Variants in ING5 observed in about 807,000 individuals in gnomAD.
The protein encoded by ING5 is inhibitor of growth protein 5.
In ING5, 17 loss-of-function variants were observed where a neutral mutation model predicts 37.4. That is an observed-to-expected ratio of 0.45 (90% confidence interval 0.31 to 0.68). ING5 has a LOEUF of 0.68. Among genes scored for constraint, ING5 ranks in the 30% least tolerant of loss-of-function variants. ING5 has a pLI of 0.05. For synonymous variants in ING5, 123 were observed against 116.6 expected (o/e 1.06, Z -0.36); for missense variants, 233 against 311.9 (o/e 0.75, Z 1.91).
intron 5 of ING5, chr2:241,719,641 T>C: frequency 3.3e-6 from 5 of 1,535,628 alleles, no homozygotes; most frequent in Non-Finnish European, 4.4e-6. Context: ...ATGCAGGCAC[T>C]GGGGGTCCTC....
intron 4 of ING5, 37 bp from the exon 5 acceptor site, chr2:241,711,941 T>C (rs1259167080): frequency 6.6e-7 from 1 of 1,517,772 alleles, no homozygotes; most frequent in African/African-American, 1.4e-5. Context: ...CTTTAGAGAA[T>C]TCTATAAAAA....
At chr2:241,718,771 TG>T (rs1166336189) in intron 5 of ING5, among the ~76,000 whole-genome samples, 4 of 152,180 alleles carry the variant, frequency 2.6e-5, no homozygotes, top group African/African-American at 9.7e-5. Context: ...ATTGTAGGGC[TG>T]GGTGCTTTGG....
At position 241,702,134 on chromosome 2, in the gene ING5, G is replaced by T. The variant is rs1296041240; in HGVS notation, c.37+32G>T. ...GCGCCCCACGGGCCCCGCGCCCGCCGCCCACGCGGAGTCCTCCGTGCCGCA... is the reference window on the plus strand; with the variant it reads ...GCGCCCCACGGGCCCCGCGCCCGCCTCCCACGCGGAGTCCTCCGTGCCGCA... On this transcript the variant is annotated intron_variant, in intron 1 of 7. Transcript: ENST00000313552. The T allele has an allele frequency of 1.1e-4, 140 of 1,267,478 alleles. 2 individuals are homozygous for T. In the East Asian group the frequency reaches 5.0e-3, roughly 45 times the overall value. 78.5% of individuals were successfully genotyped at this position (1,267,478 alleles called of 1,614,324 possible). A position where few individuals can be genotyped will look rare whatever the true frequency, so the allele number is the denominator to read the frequency against.
rs1195715690 is a variant in ING5, at chr2:241,725,727, G to A, written c.*696G>A. On this transcript the variant is annotated 3_prime_UTR_variant, in exon 8 of 8. Transcript: ENST00000313552. Reference sequence around the variant, plus strand: ...CGCAGGTCCCGTGACCAGCACCCGCGAGACCCTGTGCGACAGCTGGGCTGA... The same window carrying A: ...CGCAGGTCCCGTGACCAGCACCCGCAAGACCCTGTGCGACAGCTGGGCTGA... 3.3e-5 allele frequency: 5 copies of A among 152,628 alleles called. No homozygotes were observed. The highest frequency in any genetic ancestry group is 7.3e-5 in the Non-Finnish European group (5 of 68,028). The allele number at this position is 152,628 out of a possible 1,614,324, so 9.5% of individuals were successfully genotyped here.
intron 5 of ING5, among the ~76,000 whole-genome samples, chr2:241,713,120 C>T (rs2070165050): frequency 6.6e-6 from 1 of 151,044 alleles, no homozygotes; most frequent in South Asian, 2.1e-4. Flanking sequence ...GCAATGGCGC[C>T]ATCTCGGCTC....
intron 1 of ING5, 35 bp from the exon 2 acceptor site, chr2:241,704,618 G>C: frequency 2.5e-6 from 4 of 1,574,660 alleles, no homozygotes; most frequent in Non-Finnish European, 3.5e-6. Flanking sequence ...TCTTGCTGCT[G>C]AGAGGTACAT....
At chr2:241,689,830 C>A (rs554784983) in intron 1 of ING5, 1 of 150,782 alleles carries the variant, frequency 6.6e-6, no homozygotes, top group South Asian at 2.1e-4. Flanking sequence ...CATCTTGTTG[C>A]CTTCCAGAGG....
At position 241,705,032 on chromosome 2, in the gene ING5, G is replaced by A. The variant is rs558622676; in HGVS notation, c.109+308G>A. ...TTTCAAAGTGTGTAGTGCGTGCATT[G>A]TTTTAAAAGTTTGGTAGTACTTTTT... On this transcript the variant is annotated intron_variant, in intron 2 of 7. Transcript: ENST00000313552. 3.7e-4 allele frequency among the ~76,000 whole-genome samples: 57 copies of A among 152,186 alleles called. 1 individual carries two copies. The highest frequency in any genetic ancestry group is 1.3e-3 in the African/African-American group (54 of 41,532).
intron 2 of ING5, among the ~76,000 whole-genome samples, chr2:241,696,749 C>T (rs1167016351): frequency 1.3e-5 from 2 of 152,150 alleles, no homozygotes; most frequent in South Asian, 4.1e-4. Flanking sequence ...TGCCACTGCA[C>T]TTCAGCCTGG....
upstream of ING5, among the ~76,000 whole-genome samples, chr2:241,698,532 TGTGTGTGG>T (rs1357760259): frequency 3.0e-5 from 4 of 132,312 alleles, no homozygotes; most frequent in Admixed American, 8.0e-5. Flanking sequence ...TGTGTGTGTG[TGTGTGTGG>T]AGGAGTATAT....
intron 2 of ING5, among the ~76,000 whole-genome samples, chr2:241,706,544 A>C (rs1372259381): frequency 6.7e-6 from 1 of 149,118 alleles, no homozygotes; most frequent in Non-Finnish European, 1.5e-5. Context: ...CAGGAGAATC[A>C]CTTGAACCTG....
At chr2:241,700,111 T>G (rs957975576), upstream of ING5, among the ~76,000 whole-genome samples, 30 of 150,168 alleles carry the variant, frequency 2.0e-4, no homozygotes, top group African/African-American at 7.4e-4. Flanking sequence ...GCCTCCTGGG[T>G]AGCTGGGATT....
At chr2:241,722,256 G>A (rs2070452279) in intron 5 of ING5, 2 of 985,424 alleles carry the variant, frequency 2.0e-6, no homozygotes, top group South Asian at 4.7e-5. Flanking sequence ...TGCTGGCAGA[G>A]GTGACGTGTG....
At chr2:241,721,028 A>T in intron 5 of ING5, 1 of 985,570 alleles carries the variant, frequency 1.0e-6, no homozygotes, top group Non-Finnish European at 1.2e-6. Flanking sequence ...GCTGAGACAC[A>T]GGTCAAGTGG....
chr2:241,708,824 G>T (rs935863155), intron 2 of ING5, among the ~76,000 whole-genome samples: 2 of 152,088 alleles, frequency 1.3e-5, no homozygotes, highest in Non-Finnish European at 2.9e-5. Flanking sequence ...TTTGTTTAGG[G>T]TATTTAAGAG....
chr2:241,695,570 C>T (rs2069618755), intron 2 of ING5, among the ~76,000 whole-genome samples: 2 of 152,272 alleles, frequency 1.3e-5, no homozygotes, highest in African/African-American at 4.8e-5. Context: ...CCTGTAGTCC[C>T]ACCTACTCAG....
chr2:241,720,662 C>T (rs1205063344), intron 5 of ING5: 29 of 985,494 alleles, frequency 2.9e-5, no homozygotes, highest in South Asian at 4.7e-5. Context: ...GGGCCGGGCG[C>T]GGAAGGGCTC....
Position 241,723,929 on chromosome 2 carries a change from G to A in ING5, c.680+658G>A, listed in dbSNP as rs1378136552. ...GGAGGCGGAGGCGGGAGGATGGCTT[G>A]AGCCTGGAAGTCCGAGGCTTCAGTG... On this transcript the variant is annotated intron_variant, in intron 7 of 7. Transcript: ENST00000313552. The A allele has an allele frequency of 1.6e-5, 21 of 1,288,292 alleles. No individual in the cohort carries two copies. In the Middle Eastern group the frequency reaches 1.6e-3, roughly 96 times the overall value. 79.8% of individuals were successfully genotyped at this position (1,288,292 alleles called of 1,614,324 possible).
At chr2:241,723,400 T>G in intron 7 of ING5, 129 bp downstream of exon 7, 1 of 988,398 alleles carries the variant, frequency 1.0e-6, no homozygotes, top group Non-Finnish European at 1.6e-6. Context: ...CACGTAGGCA[T>G]GCCCCACTGT....
Sources: allele counts gnomAD v4.1 joint callset (sites outside exome capture counted in the v4.1 genomes callset), GRCh38; gene constraint gnomAD v4.1.1; transcripts MANE v1.5; gene names NCBI Gene and HGNC (gene_info 2026-07-23, HGNC 2026-07-21).